The following MICAL2 variants were observed in gnomAD, a reference collection of about 807,000 sequenced individuals.
MICAL2 encodes microtubule associated monooxygenase, calponin and LIM domain containing 2, also known as [F-actin]-monooxygenase MICAL2.
Under a neutral mutation model 127.3 loss-of-function variants are expected in MICAL2, and 77 were observed. The observed-to-expected ratio is 0.60, with a 90% CI of 0.50 to 0.73. MICAL2 has a LOEUF of 0.73. MICAL2 is among the 30% of genes least tolerant of loss of function. MICAL2 has a pLI of 0.00. For synonymous variants in MICAL2, 570 were observed against 551.1 expected (o/e 1.03, Z -0.48); for missense variants, 1,351 against 1,434.4 (o/e 0.94, Z 0.94).
intron 15 of MICAL2, among the ~76,000 whole-genome samples, chr11:12,232,669 C>A (rs1224255661): frequency 6.6e-6 from 1 of 152,160 alleles, no homozygotes; most frequent in Non-Finnish European, 1.5e-5. Flanking sequence ...TTGCAGTGAG[C>A]CAAGATCACA....
At chr11:12,331,597 C>T (rs1590740997) in intron 32 of MICAL2, among the ~76,000 whole-genome samples, 1 of 152,272 alleles carries the variant, frequency 6.6e-6, no homozygotes, top group Non-Finnish European at 1.5e-5. Context: ...AATAAAAATT[C>T]CTGGATAATG....
intron 29 of MICAL2, among the ~76,000 whole-genome samples, chr11:12,306,135 T>C (rs1590730812): frequency 6.6e-6 from 1 of 152,198 alleles, no homozygotes; most frequent in African/African-American, 2.4e-5. Context: ...ATACATGTAA[T>C]AGGAGTTAGA....
intron 32 of MICAL2, among the ~76,000 whole-genome samples, chr11:12,337,436 T>A (rs1398446071): frequency 1.3e-5 from 2 of 152,184 alleles, no homozygotes; most frequent in African/African-American, 4.8e-5. Context: ...TGAAGGGTTT[T>A]TTGTGTCTCT....
In MICAL2 at chr11:12,173,180, G is replaced by T. The variant is rs114262325; in HGVS notation, c.264+10761G>T. On this transcript the variant is annotated intron_variant, in intron 3 of 27. Coordinates refer to ENST00000683283, the MANE Select transcript of MICAL2 (RefSeq NM_001282663.2). Reference sequence around the variant, plus strand: ...ATGTGACAGATTTCACTGCAACCTGGCGTATTCTACACCTCCTGCTATCGG... The same window carrying T: ...ATGTGACAGATTTCACTGCAACCTGTCGTATTCTACACCTCCTGCTATCGG... Among the ~76,000 whole-genome samples the T allele has an allele frequency of 7.9e-3, 1,209 of 152,222 alleles. 14 individuals are homozygous for T. The highest frequency in any genetic ancestry group is 0.028 in the African/African-American group (1,157 of 41,514).
chr11:12,260,264 C>T, intron 26 of MICAL2: 1 of 1,433,426 alleles, frequency 7.0e-7, no homozygotes, highest in South Asian at 1.5e-5. Flanking sequence ...GCCAGGAAGC[C>T]TAGCATTCTC....
intron 15 of MICAL2, among the ~76,000 whole-genome samples, chr11:12,234,302 C>CA (rs35320196): frequency 0.23 from 31,547 of 136,136 alleles, 3,445 homozygotes; most frequent in East Asian, 0.38. Flanking sequence ...AGGTAGAAAC[C>CA]AAAAAAAAAA....
At chr11:12,184,760 A>G (rs901042523) in intron 3 of MICAL2, among the ~76,000 whole-genome samples, 1 of 151,984 alleles carries the variant, frequency 6.6e-6, no homozygotes, top group African/African-American at 2.4e-5. Context: ...ACCCATACTG[A>G]GCCCTACAGT....
chr11:12,287,662 T>G (rs1304985230), downstream of MICAL2, among the ~76,000 whole-genome samples: 4 of 152,068 alleles, frequency 2.6e-5, no homozygotes, highest in Non-Finnish European at 5.9e-5. Context: ...CATACACACC[T>G]GCTCCTTTTT....
intron 3 of MICAL2, among the ~76,000 whole-genome samples, chr11:12,164,492 A>G (rs1443243233): frequency 6.6e-6 from 1 of 152,210 alleles, no homozygotes; most frequent in African/African-American, 2.4e-5. Context: ...TCATTGACTC[A>G]TATTAACAGG....
At chr11:12,233,228 T>C (rs546827843) in intron 15 of MICAL2, among the ~76,000 whole-genome samples, 1 of 152,332 alleles carries the variant, frequency 6.6e-6, no homozygotes, top group Admixed American at 6.5e-5. Flanking sequence ...CAATATAAGA[T>C]CCCTTCTTAT....
At chr11:12,330,847 GACA>G (rs1565307315) in intron 32 of MICAL2, among the ~76,000 whole-genome samples, 13 of 151,244 alleles carry the variant, frequency 8.6e-5, no homozygotes, top group South Asian at 2.1e-4. Flanking sequence ...GAGAGAGAGA[GACA>G]GAGAGAGGGG....
At chr11:12,355,685 C>A (rs1939118246) in intron 34 of MICAL2, among the ~76,000 whole-genome samples, 1 of 152,318 alleles carries the variant, frequency 6.6e-6, no homozygotes. Context: ...TTTTCGCGCC[C>A]AATTTACAAA....
Position 12,242,403 on chromosome 11 carries a change from C to T in MICAL2, c.2527C>T (p.Leu843=). The change falls in exon 19 of 28, where the codon CTG becomes TTG. Residue 843 remains leucine, a synonymous_variant. Coordinates refer to ENST00000683283, the MANE Select transcript of MICAL2 (RefSeq NM_001282663.2). The part of the protein sequence containing the change: ...AQALSGVLWR[L]QQVEEKILQK... ...GGCTCTTTCCGGGGTGCTGTGGCGG[C>T]TGCAGCAAGTGGAGGAAAAGATTCT... 1 of 1,609,350 alleles carries T rather than the reference C, an allele frequency of 6.2e-7. No individual in the cohort carries two copies. Among genetic ancestry groups the T allele is most frequent in the Non-Finnish European group, 8.5e-7 (1 of 1,176,724 alleles).
chr11:12,330,833 C>CAGAGAGAGAGAGAGAGGGAGAGAGAGAG (rs1422663669), intron 32 of MICAL2, among the ~76,000 whole-genome samples: 1 of 132,638 alleles, frequency 7.5e-6, no homozygotes, highest in African/African-American at 2.8e-5. Flanking sequence ...GAGAGACAGA[C>CAGAGAGAGAGAGAGAGGGAGAGAGAGAG]AGAGAGAGAG....
rs544867433 is a variant in MICAL2 at position 12,230,074 on chromosome 11, C to T, written c.1995+2943C>T. Among the ~76,000 whole-genome samples, 7 of 152,300 alleles carry T rather than the reference C, an allele frequency of 4.6e-5. No homozygotes were observed. In the East Asian group the frequency reaches 1.2e-3, roughly 25 times the overall value. On this transcript the variant is annotated intron_variant, in intron 15 of 27. Transcript: ENST00000683283. ...CTGGGTCACCACACTGTGCCTTGGC[C>T]ATCACTGAAATACCTCTGCATTCTG... is the stretch of plus-strand genomic sequence containing the variant.
intron 7 of MICAL2, among the ~76,000 whole-genome samples, chr11:12,214,352 A>G (rs1038025309): frequency 1.3e-5 from 2 of 152,166 alleles, no homozygotes; most frequent in Non-Finnish European, 2.9e-5. Context: ...TAGTCTTCAG[A>G]CTCACCTACT....
intron 2 of MICAL2, among the ~76,000 whole-genome samples, chr11:12,156,591 C>A (rs954454862): frequency 1.3e-5 from 2 of 152,136 alleles, no homozygotes; most frequent in African/African-American, 2.4e-5. Flanking sequence ...CCTTCCCTAC[C>A]CTGGAAGTGC....
chr11:12,227,035 C>T lies in MICAL2; in HGVS notation c.1899C>T (p.Arg633=), dbSNP rs1198478950. ...GTPLRPVDSW[R]KNYGENADLS... ...TTTATTTCCCAACAGATTCTTGGCG[C>T]AAAAACTATGGAGAAAATGCTGACC... The change falls in exon 15 of 28, where the codon CGC becomes CGT. Residue 633 remains arginine (R), a synonymous_variant. Transcript: ENST00000683283. 4 of 1,613,800 alleles carry T rather than the reference C, an allele frequency of 2.5e-6. No individual in the cohort carries two copies. The highest frequency in any genetic ancestry group is 3.4e-6 in the Non-Finnish European group (4 of 1,179,740).
At chr11:12,354,973 A>G in intron 34 of MICAL2, 1 of 944,608 alleles carries the variant, frequency 1.1e-6, no homozygotes, top group South Asian at 1.6e-5. Flanking sequence ...AAGTTAGAGG[A>G]AAGTACAAAG....
Sources: gnomAD v4.1 joint callset for allele counts (sites outside exome capture counted in the v4.1 genomes callset) on GRCh38, gnomAD v4.1.1 for gene constraint, MANE v1.5 for transcripts, NCBI Gene and HGNC (gene_info 2026-07-23, HGNC 2026-07-21) for gene names.